Variants in ZNF540 observed in about 807,000 individuals in gnomAD.
The protein encoded by ZNF540 is CTD-3064H18.6.
Under a neutral mutation model 11.8 loss-of-function variants are expected in ZNF540, and 3 were observed. That is an observed-to-expected ratio of 0.25 (90% CI 0.12 to 0.65). The LOEUF is 0.65. Ranked by LOEUF, ZNF540 falls within the 30% of genes least tolerant of loss-of-function variation. The probability of loss-of-function intolerance (pLI) is 0.83; values close to 1 mark genes in which losing one functional copy is unlikely to be tolerated. For missense variants in ZNF540, 709 were observed against 793.1 expected (o/e 0.89, Z 1.27); for synonymous variants, 247 against 259.0 (o/e 0.95, Z 0.45).
chr19:37,606,757 A>G (rs2044088680), intron 4 of ZNF540, among the ~76,000 whole-genome samples: 1 of 152,208 alleles, frequency 6.6e-6, no homozygotes, highest in Admixed American at 6.5e-5. Context: ...TTGAGTTGCA[A>G]GAGTTTTAAA....
At chr19:37,599,578 A>G (rs1047248131) in intron 2 of ZNF540, 48 bp from the exon 3 acceptor site, 14 of 1,611,580 alleles carry the variant, frequency 8.7e-6, no homozygotes, top group Non-Finnish European at 1.2e-5. Context: ...TCTTTTTAAA[A>G]TACTTGTTCT....
chr19:37,612,686 G>C lies in ZNF540; in HGVS notation c.1406G>C (p.Cys469Ser). ...RLHTGVKPYE[C>S]KECGKTFRVR... ...CATACTGGTGTGAAGCCCTACGAAT[G>C]TAAGGAATGTGGGAAGACCTTTCGA... Residue 469 changes from cysteine (C) to serine (S), a missense_variant, in exon 5 of 5, where the codon TGT becomes TCT. Cys to Ser is a moderately radical substitution (Grantham distance 112). Transcript: ENST00000316433. 1 of 1,614,160 alleles carries C rather than the reference G, an allele frequency of 6.2e-7. No individual in the cohort carries two copies. The highest frequency in any genetic ancestry group is 8.5e-7 in the Non-Finnish European group (1 of 1,180,004).
intron 1 of ZNF540, among the ~76,000 whole-genome samples, chr19:37,557,315 G>C (rs1346374176): frequency 6.6e-6 from 1 of 152,182 alleles, no homozygotes; most frequent in Non-Finnish European, 1.5e-5. Flanking sequence ...TTTGAAGACG[G>C]GGGATTCTTG....
intron 1 of ZNF540, chr19:37,551,701 G>T (rs6508734): frequency 0.026 from 3,966 of 152,658 alleles, 183 homozygotes; most frequent in African/African-American, 0.089. Context: ...CGGGGCTGCT[G>T]TCTCCGGGGA....
intron 4 of ZNF540, chr19:37,610,854 T>C (rs1360962435): frequency 3.3e-5 from 5 of 152,200 alleles, no homozygotes; most frequent in African/African-American, 9.7e-5. Flanking sequence ...AGTGGAGTTA[T>C]TAAAAATTCA....
At chr19:37,589,272 G>C (rs1434545967) in intron 1 of ZNF540, among the ~76,000 whole-genome samples, 6 of 150,964 alleles carry the variant, frequency 4.0e-5, no homozygotes, top group African/African-American at 9.7e-5. Context: ...AACTTCAGAG[G>C]GGAAAATTCT....
At chr19:37,560,332 T>C (rs571388538) in intron 1 of ZNF540, 1 of 151,888 alleles carries the variant, frequency 6.6e-6, no homozygotes, top group African/African-American at 2.4e-5. Context: ...ATTTCCTTGG[T>C]ATAGGATAAA....
intron 1 of ZNF540, chr19:37,555,716 G>A: frequency 1.7e-6 from 1 of 601,836 alleles, no homozygotes. Context: ...TGGGCTCCAT[G>A]AGACCAGGAT....
intron 1 of ZNF540, chr19:37,564,311 C>T (rs1600450901): frequency 1.6e-5 from 4 of 256,398 alleles, no homozygotes; most frequent in South Asian, 1.6e-4. Context: ...AATACAATTA[C>T]AGTATTTTAC....
upstream of ZNF540, among the ~76,000 whole-genome samples, chr19:37,593,711 A>C (rs1408026600): frequency 1.3e-5 from 2 of 152,118 alleles, no homozygotes; most frequent in Non-Finnish European, 2.9e-5. Context: ...TCAAAAAGCA[A>C]ACAAACAAAC....
intron 1 of ZNF540, among the ~76,000 whole-genome samples, chr19:37,566,900 C>T (rs879278128): frequency 1.3e-5 from 2 of 152,322 alleles, no homozygotes; most frequent in Non-Finnish European, 2.9e-5. Context: ...AGACCCTACA[C>T]AAGCTTGCCT....
At chr19:37,591,578 CTT>C (rs986113376), upstream of ZNF540, among the ~76,000 whole-genome samples, 2 of 152,196 alleles carry the variant, frequency 1.3e-5, no homozygotes, top group Non-Finnish European at 2.9e-5. Context: ...GAGTTTCACT[CTT>C]GTTGCCCAGG....
intron 1 of ZNF540, chr19:37,564,266 G>A (rs575465677): frequency 5.5e-6 from 1 of 181,956 alleles, no homozygotes; most frequent in East Asian, 1.4e-4. Flanking sequence ...TATCGAAAGG[G>A]AATTATATGT....
upstream of ZNF540, among the ~76,000 whole-genome samples, chr19:37,590,573 CTAATA>C (rs1246854666): frequency 6.6e-6 from 1 of 152,188 alleles, no homozygotes; most frequent in African/African-American, 2.4e-5. Flanking sequence ...AGAAAATACA[CTAATA>C]TAATTATAGA....
chr19:37,611,538 G>A lies in ZNF540; in HGVS notation c.258G>A (p.Lys86=). The A allele has an allele frequency of 6.2e-7, 1 of 1,600,846 alleles. No homozygotes were observed. Among genetic ancestry groups the A allele is most frequent in the Non-Finnish European group, 8.5e-7 (1 of 1,174,818 alleles). Residue 86 remains lysine (K), a synonymous_variant, in exon 5 of 5, where the codon AAG becomes AAA. Transcript: ENST00000316433. ...CPGLLSRHKT[K]KLSSEKDIHE... ...GTTTGTTATCCAGGCATAAGACCAAGAAATTATCTTCAGAAAAGGACATTC... is the reference window on the plus strand; with the variant it reads ...GTTTGTTATCCAGGCATAAGACCAAAAAATTATCTTCAGAAAAGGACATTC...
intron 1 of ZNF540, chr19:37,555,760 T>C: frequency 3.2e-6 from 2 of 620,326 alleles, no homozygotes; most frequent in Non-Finnish European, 5.8e-6. Context: ...CAACATCAAA[T>C]CCTGGGATAT....
rs766574708 is a variant in ZNF540, at chr19:37,601,063, C to G, written c.190C>G (p.Pro64Ala). ...TACCTTACTGGAGCAAGGGAAAGAG[C>G]CCTGCGTGGTGGCGAGGGATGTGAC... ...VITLLEQGKE[P>A]CVVARDVTGR... The change falls in exon 4 of 5, where the codon CCC becomes GCC. Residue 64 changes from proline (P) to alanine (A), a missense_variant. Coordinates refer to ENST00000316433, the MANE Select transcript of ZNF540 (RefSeq NM_001172225.3). The G allele has an allele frequency of 2.3e-5, 36 of 1,591,606 alleles. No homozygotes were observed. Among genetic ancestry groups the G allele is most frequent in the Non-Finnish European group, 3.1e-5 (36 of 1,169,060 alleles).
Position 37,574,750 on chromosome 19 carries a change from C to T in ZNF540, c.-73+23085C>T, listed in dbSNP as rs919018481. 7.9e-5 allele frequency among the ~76,000 whole-genome samples: 12 copies of T among 152,134 alleles called. 1 individual carries two copies. Among genetic ancestry groups the T allele is most frequent in the Non-Finnish European group, 4.4e-5 (3 of 68,030 alleles). ...AACTTCCAAATGATAGTTTCAATAA[C>T]CATCTCCTAATGAAAGTATTTTCTT... On this transcript the variant is annotated intron_variant, in intron 1 of 4. Transcript: ENST00000592533.
chr19:37,605,960 T>G (rs946284240), intron 4 of ZNF540, among the ~76,000 whole-genome samples: 2 of 152,264 alleles, frequency 1.3e-5, no homozygotes, highest in Non-Finnish European at 2.9e-5. Flanking sequence ...ATTTACTCAC[T>G]GTAAGTGCAC....
Sources: allele counts gnomAD v4.1 joint callset (sites outside exome capture counted in the v4.1 genomes callset), GRCh38; gene constraint gnomAD v4.1.1; transcripts MANE v1.5; gene names NCBI Gene and HGNC (gene_info 2026-07-23, HGNC 2026-07-21).